STARD7: variants seen among roughly 807,000 people sequenced by gnomAD.
STARD7 encodes the protein StAR related lipid transfer domain containing 7, also known as stAR-related lipid transfer protein 7, mitochondrial.
A neutral mutation model predicts 45.3 loss-of-function variants in STARD7; 30 were observed. That is an observed-to-expected ratio of 0.66 (90% CI 0.50 to 0.90). The LOEUF is 0.90. Among genes scored for constraint, STARD7 ranks in the 40% least tolerant of loss-of-function variants. The pLI, the probability that STARD7 is intolerant of heterozygous loss-of-function variation, is 0.00. For synonymous variants in STARD7, 199 were observed against 183.0 expected, an observed-to-expected ratio of 1.09 and a Z score of -0.70; for missense variants, 495 against 491.3, an observed-to-expected ratio of 1.01 and a Z score of -0.07.
Position 96,192,425 on chromosome 2 carries a change from T to C in STARD7, c.787A>G (p.Arg263Gly). The C allele has an allele frequency of 6.2e-7, 1 of 1,613,938 alleles. No homozygotes were observed. The highest frequency in any genetic ancestry group is 8.5e-7 in the Non-Finnish European group (1 of 1,179,862). Reference protein sequence around the residue: ...PSVPESPEFVRVRSYESQMVI... With the variant: ...PSVPESPEFVGVRSYESQMVI... ...ATTTGGGATTCATATGATCTGACCC[T>C]GACGAATTCTGGAGACTCTGGCACA... Residue 263 changes from arginine (R) to glycine (G), a missense_variant, in exon 6 of 8, where the codon AGG (arginine) becomes GGG (glycine). Coordinates refer to ENST00000337288, the MANE Select transcript of STARD7 (RefSeq NM_020151.4).
At position 96,193,125 on chromosome 2, in the gene STARD7, C is replaced by T. The variant is rs2104180338; in HGVS notation, c.696G>A (p.Arg232=). The T allele has an allele frequency of 6.2e-7, 1 of 1,613,760 alleles. No individual in the cohort carries two copies. Among genetic ancestry groups the T allele is most frequent in the Non-Finnish European group, 8.5e-7 (1 of 1,179,720 alleles). ...PMYSRDYVYV[R]RYSVDQENNM... ...TGTTTTCCTGATCCACACTATACCG[C>T]CGAACATAAACATAATCCCGTGAGT... Residue 232 remains arginine (R), a synonymous_variant, in exon 5 of 8, where the codon CGG becomes CGA. Coordinates refer to ENST00000337288, the MANE Select transcript of STARD7 (RefSeq NM_020151.4).
At chr2:96,200,207 G>A (rs1462215035) in intron 1 of STARD7, among the ~76,000 whole-genome samples, 1 of 152,074 alleles carries the variant, frequency 6.6e-6, no homozygotes, top group Non-Finnish European at 1.5e-5. Context: ...CCAAGTAGCT[G>A]GGACTACAGA....
rs1558734624 is a variant in STARD7, at chr2:96,193,340, A to G, written c.562T>C (p.Tyr188His). 6.2e-7 allele frequency: 1 copy of G among 1,611,194 alleles called. No homozygotes were observed. Among genetic ancestry groups the G allele is most frequent in the Non-Finnish European group, 8.5e-7 (1 of 1,177,408 alleles). Residue 188 changes from tyrosine to histidine, a missense_variant, in exon 4 of 8, where the codon TAT becomes CAT. Coordinates refer to ENST00000337288, the MANE Select transcript of STARD7 (RefSeq NM_020151.4). ...ACCAGGGCATCCCATTTTTTTCTAT[A>G]CTCTGTGTCCAGCTGCAGAAAGAGA... ...QFFNVQLDTE[Y>H]RKKWDALVIK...
At chr2:96,200,045 G>A (rs1362332328) in intron 1 of STARD7, among the ~76,000 whole-genome samples, 1 of 152,098 alleles carries the variant, frequency 6.6e-6, no homozygotes, top group Non-Finnish European at 1.5e-5. Context: ...ATATATTGCT[G>A]AGTTCAGTTT....
rs1683048306 is a variant in STARD7 at position 96,187,063 on chromosome 2, G to C, written c.929-149C>G. On this transcript the variant is annotated intron_variant, in intron 7 of 7. Transcript: ENST00000337288. The stretch of plus-strand genomic sequence containing the variant: ...GCCTGTGAATAAGAGCTGCCTCCCG[G>C]AATGTGTTCCCAAAGCATGGGTTGT... The C allele has an allele frequency of 4.4e-6, 4 of 919,368 alleles. No individual in the cohort carries two copies. The East Asian group carries it at 1.0e-4, about 24-fold the overall frequency. The allele number at this position is 919,368 out of a possible 1,614,324, so 57.0% of individuals were successfully genotyped here. A position where few individuals can be genotyped will look rare whatever the true frequency, so the allele number is the denominator to read the frequency against.
chr2:96,205,842 GA>G (rs950401594), intron 1 of STARD7, among the ~76,000 whole-genome samples: 46 of 151,580 alleles, frequency 3.0e-4, no homozygotes, highest in African/African-American at 1.1e-3. Flanking sequence ...ATTTTAAAAA[GA>G]AAAAAAATCC....
At chr2:96,196,109 G>A (rs1322416631) in intron 1 of STARD7, among the ~76,000 whole-genome samples, 4 of 128,512 alleles carry the variant, frequency 3.1e-5, no homozygotes, top group Non-Finnish European at 6.4e-5. Flanking sequence ...TGAGACTCTT[G>A]TCTCAAAAAA....
intron 1 of STARD7, among the ~76,000 whole-genome samples, chr2:96,196,508 C>G (rs1683209680): frequency 6.6e-6 from 1 of 152,100 alleles, no homozygotes; most frequent in South Asian, 2.1e-4. Flanking sequence ...GTCACCCAGG[C>G]TAGAATAGAG....
At chr2:96,193,392 C>T in intron 3 of STARD7, 40 bp from the exon 4 acceptor site, 2 of 1,358,154 alleles carry the variant, frequency 1.5e-6, no homozygotes, top group Non-Finnish European at 2.1e-6. Flanking sequence ...CAAGAAGACC[C>T]AAAACAAAAA....
At chr2:96,197,852 T>G (rs1477866164) in intron 1 of STARD7, among the ~76,000 whole-genome samples, 1 of 152,220 alleles carries the variant, frequency 6.6e-6, no homozygotes, top group Non-Finnish European at 1.5e-5. Flanking sequence ...GTGTTGAGCT[T>G]CTTTCACTTA....
At chr2:96,193,569 G>A (rs1017299194) in intron 3 of STARD7, among the ~76,000 whole-genome samples, 1 of 152,170 alleles carries the variant, frequency 6.6e-6, no homozygotes. Context: ...TACACTGAAT[G>A]TGAATCTTCA....
intron 6 of STARD7, among the ~76,000 whole-genome samples, chr2:96,191,368 T>G (rs4441523): frequency 7.9e-5 from 12 of 152,206 alleles, no homozygotes; most frequent in Admixed American, 2.0e-4. Flanking sequence ...TATACTCTTC[T>G]ACTTCTGTAT....
chr2:96,205,197 A>G lies in STARD7; in HGVS notation c.290+2948T>C, dbSNP rs1303860437. On this transcript the variant is annotated intron_variant, in intron 1 of 7. Coordinates refer to ENST00000337288, the MANE Select transcript of STARD7 (RefSeq NM_020151.4). ...GCAAGTATTAAAAGATCTGATTTCT[A>G]CATCTGGCCACAGCAGCCAGTCAAA... Among the ~76,000 whole-genome samples the G allele has an allele frequency of 2.6e-5, 4 of 152,238 alleles. No homozygotes were observed. In the East Asian group the frequency reaches 5.8e-4, roughly 22 times the overall value.
At chr2:96,190,071 T>C (rs1683101995) in intron 6 of STARD7, among the ~76,000 whole-genome samples, 1 of 152,194 alleles carries the variant, frequency 6.6e-6, no homozygotes, top group South Asian at 2.1e-4. Flanking sequence ...TGAATATTCT[T>C]AGCAGCCAAA....
chr2:96,186,902 A>G lies in STARD7; in HGVS notation c.941T>C (p.Phe314Ser). The G allele has an allele frequency of 6.2e-7, 1 of 1,612,810 alleles. No individual in the cohort carries two copies. Among genetic ancestry groups the G allele is most frequent in the Non-Finnish European group, 8.5e-7 (1 of 1,179,282 alleles). Reference protein sequence around the residue: ...SWMVSSGMPDFLEKLHMATLK... With the variant: ...SWMVSSGMPDSLEKLHMATLK... ...AGTGGCCATGTGCAGCTTCTCCAGG[A>G]AATCTGGCATGCCTGTCAGGAGACG... The change falls in exon 8 of 8, where the codon TTC (phenylalanine) becomes TCC (serine). Residue 314 changes from phenylalanine (F) to serine (S), a missense_variant. By Grantham distance (155) the Phe-to-Ser change is radical (BLOSUM62 -2). Coordinates refer to ENST00000337288, the MANE Select transcript of STARD7 (RefSeq NM_020151.4).
At chr2:96,207,748 A>G (rs1683421725) in intron 1 of STARD7, among the ~76,000 whole-genome samples, 1 of 152,184 alleles carries the variant, frequency 6.6e-6, no homozygotes, top group Non-Finnish European at 1.5e-5. Context: ...CATTTTGCAA[A>G]TAGCAGCCCA....
chr2:96,186,680 G>T lies in STARD7; in HGVS notation c.*50C>A. The T allele has an allele frequency of 1.4e-6, 2 of 1,444,812 alleles. No homozygotes were observed. Among genetic ancestry groups the T allele is most frequent in the Non-Finnish European group, 1.9e-6 (2 of 1,065,030 alleles). 89.5% of individuals were successfully genotyped at this position (1,444,812 alleles called of 1,614,324 possible). Reference sequence around the variant, plus strand: ...CCCCCTTCTACAGCAGAGTGATAACGGACTGAGACAGGGCTAGAAGCACCT... The same window carrying T: ...CCCCCTTCTACAGCAGAGTGATAACTGACTGAGACAGGGCTAGAAGCACCT... On this transcript the variant is annotated 3_prime_UTR_variant, in exon 8 of 8. Transcript: ENST00000337288.
chr2:96,194,301 C>T lies in STARD7; in HGVS notation c.549+657G>A, dbSNP rs190260628. Reference sequence around the variant, plus strand: ...CCAGGAAACAAAGGCTGCAGCAAGACATGATCACACCACTGTACTCCAGCC... The same window carrying T: ...CCAGGAAACAAAGGCTGCAGCAAGATATGATCACACCACTGTACTCCAGCC... On this transcript the variant is annotated intron_variant, in intron 3 of 7. Transcript: ENST00000337288. Among the ~76,000 whole-genome samples the T allele has an allele frequency of 3.8e-3, 579 of 151,804 alleles. 2 individuals carry two copies. The highest frequency in any genetic ancestry group is 5.9e-3 in the Non-Finnish European group (404 of 67,966).
At chr2:96,195,122 A>G in intron 2 of STARD7, 115 bp from the exon 3 acceptor site, 1 of 973,084 alleles carries the variant, frequency 1.0e-6, no homozygotes, top group Non-Finnish European at 1.6e-6. Flanking sequence ...AGGCAGGTTC[A>G]GAAACTAGAA....
Sources: allele counts gnomAD v4.1 joint callset (sites outside exome capture counted in the v4.1 genomes callset), GRCh38; gene constraint gnomAD v4.1.1; transcripts MANE v1.5; gene names NCBI Gene and HGNC (gene_info 2026-07-23, HGNC 2026-07-21).